The following CCDC171 variants were observed in gnomAD, a reference collection of about 807,000 sequenced individuals.
CCDC171 encodes coiled-coil domain-containing protein 171.
Under a neutral mutation model 168.2 loss-of-function variants are expected in CCDC171, and 177 were observed. The observed-to-expected ratio is 1.05, with a 90% CI of 0.93 to 1.19. The LOEUF (loss-of-function observed/expected upper bound fraction) is 1.19. Among genes scored for constraint, CCDC171 ranks in the 50% most tolerant of loss-of-function variants. The pLI is 0.00. For missense variants in CCDC171, 1,991 were observed against 1,539.0 expected (o/e 1.29, Z -4.91); for synonymous variants, 687 against 540.8 (o/e 1.27, Z -3.75).
chr9:15,933,991 A>G (rs1483532153), intron 25 of CCDC171, among the ~76,000 whole-genome samples: 1 of 152,036 alleles, frequency 6.6e-6, no homozygotes, highest in Admixed American at 6.6e-5. Flanking sequence ...GACAACCCAT[A>G]GAATGGGGGA....
chr9:15,588,603 A>G, intron 4 of CCDC171: 1 of 298,670 alleles, frequency 3.3e-6, no homozygotes, highest in South Asian at 4.4e-5. Context: ...AGCGTGCTGG[A>G]GACGCCAAGT....
At chr9:15,730,677 TATTAA>T (rs1379462721) in intron 16 of CCDC171, among the ~76,000 whole-genome samples, 2 of 151,794 alleles carry the variant, frequency 1.3e-5, no homozygotes, top group Non-Finnish European at 2.9e-5. Context: ...ATTATTATTA[TATTAA>T]ATCAGGTCAT....
At chr9:15,800,160 G>A (rs2058751227) in intron 21 of CCDC171, among the ~76,000 whole-genome samples, 1 of 151,996 alleles carries the variant, frequency 6.6e-6, no homozygotes, top group South Asian at 2.1e-4. Flanking sequence ...TCATATGGTA[G>A]CTCTGTTTTT....
At chr9:15,764,953 A>T (rs1430056346) in intron 18 of CCDC171, among the ~76,000 whole-genome samples, 1 of 152,192 alleles carries the variant, frequency 6.6e-6, no homozygotes, top group African/African-American at 2.4e-5. Context: ...AGGTTAGGAA[A>T]TGAGAAGGAT....
At chr9:15,880,318 T>C (rs1818446806) in intron 24 of CCDC171, among the ~76,000 whole-genome samples, 1 of 152,248 alleles carries the variant, frequency 6.6e-6, no homozygotes, top group African/African-American at 2.4e-5. Context: ...CTCTTTATTC[T>C]TTTACATTTT....
At chr9:15,637,138 C>T (rs1459491087) in intron 7 of CCDC171, among the ~76,000 whole-genome samples, 1 of 152,112 alleles carries the variant, frequency 6.6e-6, no homozygotes, top group South Asian at 2.1e-4. Context: ...CGCCTGTAAT[C>T]CTAGCTGCTC....
intron 11 of CCDC171, 146 bp from the exon 12 acceptor site, chr9:15,721,623 C>G (rs768511278): frequency 2.2e-5 from 6 of 271,626 alleles, no homozygotes; most frequent in Non-Finnish European, 3.5e-5. Flanking sequence ...ATTTTATTCT[C>G]CAAGTATACT....
chr9:15,967,847 C>G (rs2132742099), intron 25 of CCDC171, among the ~76,000 whole-genome samples: 1 of 152,326 alleles, frequency 6.6e-6, no homozygotes, highest in Admixed American at 6.5e-5. Context: ...TTAACTTGAT[C>G]ATAAATGTTA....
intron 11 of CCDC171, among the ~76,000 whole-genome samples, chr9:15,702,140 A>G (rs2051800933): frequency 6.6e-6 from 1 of 152,140 alleles, no homozygotes; most frequent in African/African-American, 2.4e-5. Context: ...TTTTGAAAGG[A>G]ATCTTTTTGT....
chr9:15,885,159 A>G (rs1303861791), intron 24 of CCDC171, among the ~76,000 whole-genome samples: 1 of 152,180 alleles, frequency 6.6e-6, no homozygotes, highest in African/African-American at 2.4e-5. Flanking sequence ...TTCCAACTCA[A>G]GTGGTGACAG....
At chr9:15,644,568 T>A (rs746291561) in intron 7 of CCDC171, among the ~76,000 whole-genome samples, 12 of 152,336 alleles carry the variant, frequency 7.9e-5, no homozygotes, top group Non-Finnish European at 1.5e-4. Context: ...TCCAGTGGTC[T>A]TAGCAAACGG....
At chr9:15,833,382 G>A (rs2060315808) in intron 21 of CCDC171, among the ~76,000 whole-genome samples, 1 of 152,048 alleles carries the variant, frequency 6.6e-6, no homozygotes, top group African/African-American at 2.4e-5. Flanking sequence ...TTTCCATCTG[G>A]AAACTGAAGT....
intron 2 of CCDC171, among the ~76,000 whole-genome samples, chr9:15,567,146 C>G (rs796989602): frequency 6.6e-6 from 1 of 151,732 alleles, no homozygotes; most frequent in African/African-American, 2.4e-5. Context: ...CTCAACCTCC[C>G]GAGTAGCTGG....
the CCDC171 span, among the ~76,000 whole-genome samples, chr9:16,090,309 C>G: frequency 6.6e-6 from 1 of 152,058 alleles, no homozygotes; most frequent in Non-Finnish European, 1.5e-5. Context: ...TCTCAGCAAA[C>G]TAACACAGGA....
At chr9:16,052,207 G>C (rs1833760479) in intron 1 of CCDC171, among the ~76,000 whole-genome samples, 1 of 152,176 alleles carries the variant, frequency 6.6e-6, no homozygotes, top group Admixed American at 6.5e-5. Flanking sequence ...CTTTGTCTCA[G>C]TCCAAGTACT....
chr9:15,890,164 C>CT (rs569385987), intron 24 of CCDC171, among the ~76,000 whole-genome samples: 9,676 of 146,020 alleles, frequency 0.066, 636 homozygotes, highest in African/African-American at 0.17. Flanking sequence ...GTAACTCAAA[C>CT]TTTTTTTTTT....
At chr9:15,645,503 A>T (rs920418437) in intron 7 of CCDC171, among the ~76,000 whole-genome samples, 1 of 152,214 alleles carries the variant, frequency 6.6e-6, no homozygotes, top group Non-Finnish European at 1.5e-5. Flanking sequence ...TGTTGAAAAA[A>T]GGTTGGACGA....
intron 21 of CCDC171, among the ~76,000 whole-genome samples, chr9:15,809,313 C>G (rs1243165820): frequency 6.6e-6 from 1 of 152,092 alleles, no homozygotes; most frequent in Non-Finnish European, 1.5e-5. Flanking sequence ...TAACCACTAG[C>G]CACGTGTGGC....
At position 15,686,922 on chromosome 9, in the gene CCDC171, A is replaced by G. The variant is rs377296891; in HGVS notation, c.1215+8026A>G. On this transcript the variant is annotated intron_variant, in intron 10 of 25. Transcript: ENST00000380701. ...AACAAATTAGACCTTACAGATATCT[A>G]TAGAACACCACACCCATTAGCAAAA... is the stretch of plus-strand genomic sequence containing the variant. Among the ~76,000 whole-genome samples, 39 of 152,320 alleles carry G rather than the reference A, an allele frequency of 2.6e-4. No homozygotes were observed. The East Asian group carries it at 5.4e-3, about 21-fold the overall frequency.
Sources: gnomAD v4.1 joint callset for allele counts (sites outside exome capture counted in the v4.1 genomes callset) on GRCh38, gnomAD v4.1.1 for gene constraint, MANE v1.5 for transcripts, NCBI Gene and HGNC (gene_info 2026-07-23, HGNC 2026-07-21) for gene names.